CAMK2B: variants seen among roughly 807,000 people sequenced by gnomAD.
CAMK2B encodes calcium/calmodulin dependent protein kinase II beta.
A neutral mutation model predicts 93.7 loss-of-function variants in CAMK2B; 27 were observed. The ratio of observed to expected loss-of-function variants is 0.29; its 90% CI spans 0.21 to 0.40. The LOEUF (loss-of-function observed/expected upper bound fraction) is 0.40. Among genes scored for constraint, CAMK2B ranks in the 10% least tolerant of loss-of-function variants. The pLI is 1.00. For synonymous variants in CAMK2B, 374 were observed against 358.8 expected (o/e 1.04, Z -0.48); for missense variants, 568 against 895.8 (o/e 0.63, Z 4.67).
In CAMK2B at chr7:44,286,724, C is replaced by A. The variant is rs1465566432; in HGVS notation, c.66-2499G>T. ...GAAGGCTCCAGAGCCGCCCCTGCAC[C>A]ATCAGCCTAGGTCGGAGCAGTCAGC... On this transcript the variant is annotated intron_variant, in intron 1 of 23. Coordinates refer to ENST00000395749, the MANE Select transcript of CAMK2B (RefSeq NM_001220.5). This position sits in a 1 kb window ranked among gnomAD's most constrained non-coding sequence, Gnocchi z 4.0. 2.0e-5 allele frequency among the ~76,000 whole-genome samples: 3 copies of A among 152,242 alleles called. No homozygotes were observed. The highest frequency in any genetic ancestry group is 7.2e-5 in the African/African-American group (3 of 41,464).
intron 20 of CAMK2B, among the ~76,000 whole-genome samples, chr7:44,222,289 A>T (rs1455085816): frequency 6.6e-6 from 1 of 152,094 alleles, no homozygotes; most frequent in Non-Finnish European, 1.5e-5. Context: ...CACCTGGGAC[A>T]CCTGCCCTCA....
At position 44,285,030 on chromosome 7, in the gene CAMK2B, G is replaced by A. The variant is rs553717235; in HGVS notation, c.66-805C>T. On this transcript the variant is annotated intron_variant, in intron 1 of 23. Transcript: ENST00000395749. The stretch of plus-strand genomic sequence containing the variant: ...TCGGGTTAAGGCTGCTGAGGCCATC[G>A]AGAAGAGGCCATGAACGTACCCCAC... Among the ~76,000 whole-genome samples the A allele has an allele frequency of 1.6e-4, 24 of 152,254 alleles. No individual in the cohort carries two copies. The Middle Eastern group carries it at 0.014, about 86-fold the overall frequency.
intron 15 of CAMK2B, among the ~76,000 whole-genome samples, chr7:44,233,792 T>A (rs1485140565): frequency 6.6e-6 from 1 of 152,152 alleles, no homozygotes; most frequent in East Asian, 1.9e-4. Context: ...GCCCTGCCTC[T>A]CAGGCAGCCA....
At position 44,218,529 on chromosome 7, in the gene CAMK2B, G is replaced by T. The variant is rs761298057; in HGVS notation, c.*996C>A. 2.0e-5 allele frequency: 3 copies of T among 152,324 alleles called. No homozygotes were observed. Among genetic ancestry groups the T allele is most frequent in the Non-Finnish European group, 4.4e-5 (3 of 68,102 alleles). The allele number at this position is 152,324 out of a possible 1,614,324, so 9.4% of individuals were successfully genotyped here. A position where few individuals can be genotyped will look rare whatever the true frequency, so the allele number is the denominator to read the frequency against. ...GAGAAGCCGAACAGGCTGGGGGAGG[G>T]CCGAGGGGCGGAAACAGGGTTGGGA... On this transcript the variant is annotated 3_prime_UTR_variant, in exon 24 of 24. Coordinates refer to ENST00000395749, the MANE Select transcript of CAMK2B (RefSeq NM_001220.5).
At chr7:44,295,739 C>A (rs1403710782) in intron 1 of CAMK2B, among the ~76,000 whole-genome samples, 1 of 152,170 alleles carries the variant, frequency 6.6e-6, no homozygotes, top group Non-Finnish European at 1.5e-5. Flanking sequence ...CTTCTTAAAA[C>A]CCTGCCCTCA....
At chr7:44,301,050 G>A (rs1195466215) in intron 1 of CAMK2B, among the ~76,000 whole-genome samples, 1 of 152,102 alleles carries the variant, frequency 6.6e-6, no homozygotes, top group Non-Finnish European at 1.5e-5. Context: ...AAAATGTCAA[G>A]GGAAATTTTA....
intron 6 of CAMK2B, among the ~76,000 whole-genome samples, chr7:44,246,587 C>T (rs1321323275): frequency 6.6e-6 from 1 of 152,160 alleles, no homozygotes; most frequent in Non-Finnish European, 1.5e-5. Context: ...TGCATGCACA[C>T]ATGCCATATG....
chr7:44,276,445 C>A (rs1021812853), intron 2 of CAMK2B, among the ~76,000 whole-genome samples: 2 of 152,158 alleles, frequency 1.3e-5, no homozygotes, highest in African/African-American at 2.4e-5. Flanking sequence ...CCACCCACTG[C>A]ACAAAGGGGT....
Position 44,284,219 on chromosome 7 carries a change from A to G in CAMK2B, c.72T>C (p.Ala24=), listed in dbSNP as rs1173360436. The G allele has an allele frequency of 6.2e-7, 1 of 1,612,600 alleles. No individual in the cohort carries two copies. Among genetic ancestry groups the G allele is most frequent in the South Asian group, 1.1e-5 (1 of 90,930 alleles). The part of the protein sequence containing the change: ...YQLYEDIGKG[A]FSVVRRCVKL... ...TGACACAGCGTCGGACCACAGAGAA[A>G]GCCCCCCTGGGGAGGAAAATGGGGG... Residue 24 remains alanine (A), a synonymous_variant, in exon 2 of 24, where the codon GCT becomes GCC. Coordinates refer to ENST00000395749, the MANE Select transcript of CAMK2B (RefSeq NM_001220.5).
intron 1 of CAMK2B, among the ~76,000 whole-genome samples, chr7:44,315,452 C>T (rs754030628): frequency 1.4e-4 from 22 of 152,202 alleles, no homozygotes; most frequent in Non-Finnish European, 2.5e-4. Context: ...CTTATGTCAA[C>T]ACCACACTGT....
At position 44,324,619 on chromosome 7, in the gene CAMK2B, G is replaced by A. The variant is rs1469245923; in HGVS notation, c.65+738C>T. Among the ~76,000 whole-genome samples the A allele has an allele frequency of 3.3e-5, 5 of 152,060 alleles. 1 individual carries two copies. The East Asian group carries it at 5.8e-4, about 18-fold the overall frequency. Reference sequence around the variant, plus strand: ...GCCCCTTCCCCTTTAGGGCGCCCCCGCCAACAGTCCAAAATCCAGCCCCCA... The same window carrying A: ...GCCCCTTCCCCTTTAGGGCGCCCCCACCAACAGTCCAAAATCCAGCCCCCA... On this transcript the variant is annotated intron_variant, in intron 1 of 23. Transcript: ENST00000395749.
At chr7:44,309,719 C>T (rs1263829633) in intron 1 of CAMK2B, among the ~76,000 whole-genome samples, 3 of 152,184 alleles carry the variant, frequency 2.0e-5, no homozygotes, top group African/African-American at 7.2e-5. Flanking sequence ...CCAGTCAGTC[C>T]CTCACCCTAG....
intron 13 of CAMK2B, among the ~76,000 whole-genome samples, chr7:44,238,523 A>ACG (rs1726121163): frequency 6.6e-6 from 1 of 152,178 alleles, no homozygotes; most frequent in East Asian, 1.9e-4. Flanking sequence ...CCTGCTAGAC[A>ACG]CGTCCACTGG....
intron 2 of CAMK2B, among the ~76,000 whole-genome samples, chr7:44,266,674 T>G (rs990591072): frequency 6.6e-6 from 1 of 152,154 alleles, no homozygotes; most frequent in Non-Finnish European, 1.5e-5. Context: ...GCCGGAAGTC[T>G]GCCAACAGCG....
intron 1 of CAMK2B, among the ~76,000 whole-genome samples, chr7:44,322,837 C>T (rs1796448613): frequency 6.6e-6 from 1 of 152,258 alleles, no homozygotes. Flanking sequence ...TGAGGCCAAG[C>T]CCTTCCTTTG....
chr7:44,301,113 C>G (rs1449109049), intron 1 of CAMK2B, among the ~76,000 whole-genome samples: 1 of 152,070 alleles, frequency 6.6e-6, no homozygotes, highest in Non-Finnish European at 1.5e-5. Context: ...TGGAATGCAG[C>G]AAAGGCAGTC....
intron 2 of CAMK2B, among the ~76,000 whole-genome samples, chr7:44,277,469 C>T (rs2097058509): frequency 6.6e-6 from 1 of 152,166 alleles, no homozygotes; most frequent in Admixed American, 6.5e-5. Context: ...TCTGGAGTGG[C>T]ATCCTCCTTC....
intron 1 of CAMK2B, among the ~76,000 whole-genome samples, chr7:44,323,524 G>A (rs544803355): frequency 2.6e-5 from 4 of 152,300 alleles, no homozygotes; most frequent in African/African-American, 7.2e-5. Context: ...CGCTGGAATC[G>A]GAGGCTCAGC....
chr7:44,234,499 A>G (rs1021912584), intron 14 of CAMK2B, 38 bp from the exon 15 acceptor site: 5 of 1,574,098 alleles, frequency 3.2e-6, no homozygotes, highest in Non-Finnish European at 4.3e-6. Context: ...AGGTGGGAGA[A>G]GCCCCTCACT....
Sources: allele counts gnomAD v4.1 joint callset (sites outside exome capture counted in the v4.1 genomes callset), GRCh38; gene constraint gnomAD v4.1.1; non-coding constraint Gnocchi (gnomAD v3.1); transcripts MANE v1.5; gene names NCBI Gene and HGNC (gene_info 2026-07-23, HGNC 2026-07-21).